The following ADGRL2 variants were observed in gnomAD, a reference collection of about 807,000 sequenced individuals.
ADGRL2 encodes adhesion G protein-coupled receptor L2, also known as calcium-independent alpha-latrotoxin receptor 2.
A neutral mutation model predicts 157.4 loss-of-function variants in ADGRL2; 44 were observed. That is an observed-to-expected ratio of 0.28 (90% confidence interval 0.22 to 0.36). The LOEUF is 0.36. Among genes scored for constraint, ADGRL2 ranks in the 10% least tolerant of loss-of-function variants. The pLI is 1.00. For missense variants in ADGRL2, 1,510 were observed against 1,768.9 expected (o/e 0.85, Z 2.63); for synonymous variants, 585 against 624.7 (o/e 0.94, Z 0.95).
intron 2 of ADGRL2, among the ~76,000 whole-genome samples, chr1:81,904,846 G>A (rs1009039615): frequency 5.3e-5 from 8 of 152,000 alleles, no homozygotes; most frequent in African/African-American, 1.9e-4. Context: ...GGCAGAGGTT[G>A]CAGTGAGCCA....
chr1:81,579,223 G>C (rs766050378), intron 2 of ADGRL2: 2 of 152,140 alleles, frequency 1.3e-5, no homozygotes, highest in Admixed American at 6.6e-5. Context: ...TCAACTCAAA[G>C]AGCATCAACC....
At chr1:81,354,821 C>A (rs1663160960) in intron 1 of ADGRL2, among the ~76,000 whole-genome samples, 1 of 152,176 alleles carries the variant, frequency 6.6e-6, no homozygotes, top group Admixed American at 6.5e-5. Flanking sequence ...ATGCCTTTTA[C>A]CAAATAGGTC....
intron 2 of ADGRL2, among the ~76,000 whole-genome samples, chr1:81,776,423 G>A (rs550304867): frequency 7.9e-5 from 12 of 152,228 alleles, no homozygotes; most frequent in Middle Eastern, 3.4e-3. Flanking sequence ...TCTTGACCTC[G>A]TGATCTGCCC....
chr1:81,480,280 CAT>C lies in ADGRL2; in HGVS notation c.-248+35194_-248+35195del, dbSNP rs200530044. Reference sequence around the variant, plus strand: ...ATAATAGACAAAATCATACTGAACTCATATGACTATTACTACAGCTAGATAAG... The same window carrying C: ...ATAATAGACAAAATCATACTGAACTCATGACTATTACTACAGCTAGATAAG... On this transcript the variant is annotated intron_variant, in intron 2 of 24. Coordinates refer to the ADGRL2 transcript ENST00000370721. Among the ~76,000 whole-genome samples, 778 of 152,176 alleles carry C rather than the reference CAT, an allele frequency of 5.1e-3. 3 individuals carry two copies. Among genetic ancestry groups the C allele is most frequent in the Admixed American group, 0.014 (217 of 15,258 alleles).
chr1:81,457,709 A>G lies in ADGRL2; in HGVS notation c.-248+12620A>G, dbSNP rs183511852. Among the ~76,000 whole-genome samples, 36 of 152,334 alleles carry G rather than the reference A, an allele frequency of 2.4e-4. No individual in the cohort carries two copies. In the East Asian group the frequency reaches 7.0e-3, roughly 29 times the overall value. On this transcript the variant is annotated intron_variant, in intron 2 of 24. Coordinates refer to the ADGRL2 transcript ENST00000370721. ...TTTTTTTTAAATTTTGGATTTGTAT[A>G]TAAAATGATCCAGAAGTGAAATATG...
chr1:81,438,778 G>A (rs1394303631), intron 1 of ADGRL2, among the ~76,000 whole-genome samples: 1 of 152,110 alleles, frequency 6.6e-6, no homozygotes, highest in African/African-American at 2.4e-5. Context: ...GGCTTAATTT[G>A]TCATTTTCCT....
At chr1:81,903,846 C>CATAT (rs1553184757) in intron 2 of ADGRL2, among the ~76,000 whole-genome samples, 1 of 145,702 alleles carries the variant, frequency 6.9e-6, no homozygotes, top group African/African-American at 2.5e-5. Flanking sequence ...CACACACACA[C>CATAT]ATATTTGGTT....
intron 1 of ADGRL2, among the ~76,000 whole-genome samples, chr1:81,822,742 T>G (rs1336797855): frequency 1.3e-5 from 2 of 152,138 alleles, no homozygotes; most frequent in African/African-American, 2.4e-5. Flanking sequence ...TAATTTCACA[T>G]TTTGAGATAA....
rs536458344 is a variant in ADGRL2, at chr1:81,372,090, A to T, written c.-302+65581A>T. 3.3e-5 allele frequency among the ~76,000 whole-genome samples: 5 copies of T among 152,270 alleles called. No homozygotes were observed. The East Asian group carries it at 7.7e-4, about 24-fold the overall frequency. On this transcript the variant is annotated intron_variant, in intron 1 of 24. Coordinates refer to the ADGRL2 transcript ENST00000370721. ...CTTAGATATCACATGTCAAAGCGAA[A>T]CAAACAACCTATCCATTGTTCATGT...
upstream of ADGRL2, among the ~76,000 whole-genome samples, chr1:81,798,724 T>C (rs1485839493): frequency 6.6e-6 from 1 of 152,194 alleles, no homozygotes; most frequent in Non-Finnish European, 1.5e-5. Context: ...TGCAGATAGA[T>C]AATGGGTTTT....
chr1:81,399,174 ATCAGATC>A (rs1170646457), intron 1 of ADGRL2, among the ~76,000 whole-genome samples: 28 of 152,176 alleles, frequency 1.8e-4, no homozygotes, highest in Non-Finnish European at 4.4e-5. Context: ...CTTTTAAACT[ATCAGATC>A]TCATGAGAAC....
chr1:81,851,246 A>G (rs1157020414), intron 2 of ADGRL2, among the ~76,000 whole-genome samples: 1 of 151,918 alleles, frequency 6.6e-6, no homozygotes, highest in East Asian at 1.9e-4. Flanking sequence ...TTTGGATGGT[A>G]ATAACCTACA....
chr1:81,494,143 A>G (rs1044536653), intron 2 of ADGRL2, among the ~76,000 whole-genome samples: 1 of 152,122 alleles, frequency 6.6e-6, no homozygotes, highest in Non-Finnish European at 1.5e-5. Context: ...CTAAATGCCA[A>G]TTCTGCATAT....
At chr1:81,924,953 A>G (rs1352609380) in intron 3 of ADGRL2, among the ~76,000 whole-genome samples, 1 of 152,100 alleles carries the variant, frequency 6.6e-6, no homozygotes, top group Admixed American at 6.6e-5. Context: ...CTTGCTAACA[A>G]CATTTTTAAA....
At chr1:81,987,053 CT>C in intron 22 of ADGRL2, 24 bp downstream of exon 22, 1 of 1,607,034 alleles carries the variant, frequency 6.2e-7, no homozygotes, top group Non-Finnish European at 8.5e-7. Flanking sequence ...ACAAATAAAA[CT>C]ACCTTTCTTT....
intron 2 of ADGRL2, among the ~76,000 whole-genome samples, chr1:81,565,654 T>C (rs186259856): frequency 2.0e-4 from 30 of 152,318 alleles, no homozygotes; most frequent in Admixed American, 2.0e-3. Context: ...AAAATGTTCC[T>C]GTTGTGTGTG....
chr1:81,877,650 C>T (rs901578580), intron 2 of ADGRL2, among the ~76,000 whole-genome samples: 3 of 151,838 alleles, frequency 2.0e-5, no homozygotes, highest in African/African-American at 4.8e-5. Context: ...AGGAACAATA[C>T]GTGGCTTTTT....
intron 23 of ADGRL2, among the ~76,000 whole-genome samples, chr1:81,989,082 G>A (rs1218258932): frequency 6.6e-6 from 1 of 151,350 alleles, no homozygotes; most frequent in East Asian, 1.9e-4. Flanking sequence ...ATTTGCTTGA[G>A]AAGCACTGTG....
At chr1:81,458,907 G>T (rs769756709) in intron 2 of ADGRL2, among the ~76,000 whole-genome samples, 24 of 152,150 alleles carry the variant, frequency 1.6e-4, no homozygotes, top group Non-Finnish European at 2.5e-4. Flanking sequence ...CCGGATTCTT[G>T]TCCCGCCACC....
Sources: gnomAD v4.1 joint callset for allele counts (sites outside exome capture counted in the v4.1 genomes callset) on GRCh38, gnomAD v4.1.1 for gene constraint, MANE v1.5 for transcripts, NCBI Gene and HGNC (gene_info 2026-07-23, HGNC 2026-07-21) for gene names.